Variants in WWOX observed in about 807,000 individuals in gnomAD.
WWOX encodes WW domain-containing oxidoreductase.
Under a neutral mutation model 46.2 loss-of-function variants are expected in WWOX, and 69 were observed. The observed-to-expected ratio is 1.49, with a 90% CI of 1.23 to 1.82. The LOEUF (loss-of-function observed/expected upper bound fraction) is 1.82, where lower values mean the gene tolerates loss of function less well. Ranked by LOEUF, WWOX falls within the 40% of genes most tolerant of loss-of-function variation. The probability of loss-of-function intolerance (pLI) is 0.00; values close to 1 mark genes in which losing one functional copy is unlikely to be tolerated. For missense variants in WWOX, 919 were observed against 542.6 expected (o/e 1.69, Z -6.89); for synonymous variants, 359 against 202.6 (o/e 1.77, Z -6.56).
chr16:78,818,220 A>G (rs2051393228), intron 8 of WWOX, among the ~76,000 whole-genome samples: 1 of 152,200 alleles, frequency 6.6e-6, no homozygotes, highest in African/African-American at 2.4e-5. Flanking sequence ...TAATGGCTGA[A>G]GGCTACAGGT....
intron 8 of WWOX, among the ~76,000 whole-genome samples, chr16:78,443,334 T>G (rs1001592199): frequency 2.6e-4 from 40 of 151,954 alleles, no homozygotes; most frequent in African/African-American, 8.9e-4. Context: ...CAAAACTATA[T>G]GTGCAAGCCT....
intron 8 of WWOX, among the ~76,000 whole-genome samples, chr16:78,862,292 G>A (rs1016879591): frequency 4.0e-5 from 6 of 150,016 alleles, no homozygotes; most frequent in African/African-American, 1.5e-4. Context: ...GTGTCTTTCT[G>A]TATCTATACA....
chr16:79,157,417 A>G (rs1299398374), intron 8 of WWOX, among the ~76,000 whole-genome samples: 4 of 147,160 alleles, frequency 2.7e-5, no homozygotes, highest in South Asian at 4.2e-4. Context: ...CATTTATACA[A>G]TGGCCAAAAA....
intron 5 of WWOX, among the ~76,000 whole-genome samples, chr16:78,195,217 C>T (rs1355738144): frequency 6.6e-6 from 1 of 152,170 alleles, no homozygotes; most frequent in Non-Finnish European, 1.5e-5. Context: ...ACAGCTTGAG[C>T]ACTATGACCT....
intron 5 of WWOX, among the ~76,000 whole-genome samples, chr16:78,358,478 T>G (rs1308564699): frequency 6.6e-6 from 1 of 152,078 alleles, no homozygotes; most frequent in Non-Finnish European, 1.5e-5. Context: ...GCCAACATGG[T>G]GAAACCCTGT....
intron 5 of WWOX, chr16:78,167,542 G>T (rs886705560): frequency 6.6e-6 from 1 of 152,164 alleles, no homozygotes; most frequent in Non-Finnish European, 1.5e-5. Flanking sequence ...ACTAATACAC[G>T]TGGCTCCAGA....
chr16:78,600,746 C>G (rs1402504395), intron 8 of WWOX, among the ~76,000 whole-genome samples: 2 of 152,196 alleles, frequency 1.3e-5, no homozygotes, highest in East Asian at 1.9e-4. Context: ...AGTCTGGACA[C>G]TGAGAGAATT....
intron 8 of WWOX, among the ~76,000 whole-genome samples, chr16:79,041,834 G>A (rs976577962): frequency 6.6e-6 from 1 of 152,020 alleles, no homozygotes; most frequent in Non-Finnish European, 1.5e-5. Context: ...ACCTAGAAGG[G>A]ATAATAACTT....
intron 6 of WWOX, among the ~76,000 whole-genome samples, chr16:78,408,940 G>A (rs957683058): frequency 6.6e-6 from 1 of 152,166 alleles, no homozygotes; most frequent in East Asian, 1.9e-4. Flanking sequence ...TTTAAAATAT[G>A]TTAATTTTTC....
intron 8 of WWOX, among the ~76,000 whole-genome samples, chr16:79,092,625 C>G (rs928377864): frequency 3.3e-5 from 5 of 152,140 alleles, no homozygotes; most frequent in Non-Finnish European, 5.9e-5. Flanking sequence ...TCTGGCGAAA[C>G]CCCTTTTTCC....
chr16:79,057,559 A>T (rs144402208), intron 8 of WWOX, among the ~76,000 whole-genome samples: 3 of 140,954 alleles, frequency 2.1e-5, no homozygotes, highest in African/African-American at 8.2e-5. Flanking sequence ...TAACTCTCTC[A>T]TTGCCTTCAG....
At chr16:78,600,298 T>C (rs1204539548) in intron 8 of WWOX, among the ~76,000 whole-genome samples, 2 of 151,988 alleles carry the variant, frequency 1.3e-5, no homozygotes, top group Non-Finnish European at 2.9e-5. Flanking sequence ...CAGGGTCACC[T>C]GTAGGTTACC....
chr16:78,748,134 A>G (rs1037857695), intron 8 of WWOX, among the ~76,000 whole-genome samples: 1 of 152,062 alleles, frequency 6.6e-6, no homozygotes, highest in African/African-American at 2.4e-5. Flanking sequence ...TCTATCTCGC[A>G]TTTATCCATT....
chr16:78,112,204 G>A (rs547823494), intron 3 of WWOX, among the ~76,000 whole-genome samples: 1 of 152,190 alleles, frequency 6.6e-6, no homozygotes, highest in African/African-American at 2.4e-5. Flanking sequence ...GAATCTGATT[G>A]CTACATCATT....
At chr16:78,604,956 CTTT>C in intron 8 of WWOX, among the ~76,000 whole-genome samples, 5 of 1,384 alleles carry the variant, frequency 3.6e-3, no homozygotes, top group Non-Finnish European at 6.5e-3. Flanking sequence ...TCTTTCCTTC[CTTT>C]CTTTCCTTCC....
chr16:78,738,067 G>T (rs1035499369), intron 8 of WWOX, among the ~76,000 whole-genome samples: 1 of 152,166 alleles, frequency 6.6e-6, no homozygotes, highest in East Asian at 1.9e-4. Flanking sequence ...CTCCTAAGTG[G>T]CAGCTGCCCA....
chr16:78,966,022 A>G (rs1362127760), intron 8 of WWOX, among the ~76,000 whole-genome samples: 1 of 152,198 alleles, frequency 6.6e-6, no homozygotes, highest in Non-Finnish European at 1.5e-5. Context: ...AGTTATCTCC[A>G]GGTGCTATCT....
At chr16:78,537,933 C>A (rs188711532) in intron 8 of WWOX, among the ~76,000 whole-genome samples, 13 of 152,092 alleles carry the variant, frequency 8.5e-5, no homozygotes, top group Non-Finnish European at 1.6e-4. Flanking sequence ...TTACAGCAGC[C>A]CCGGCCTATC....
chr16:78,227,686 G>A (rs2037110383), intron 5 of WWOX, among the ~76,000 whole-genome samples: 1 of 152,096 alleles, frequency 6.6e-6, no homozygotes, highest in South Asian at 2.1e-4. Context: ...AGACCAGCCT[G>A]GCTAACATGG....
Sources: gnomAD v4.1 joint callset for allele counts (sites outside exome capture counted in the v4.1 genomes callset) on GRCh38, gnomAD v4.1.1 for gene constraint, MANE v1.5 for transcripts, NCBI Gene and HGNC (gene_info 2026-07-23, HGNC 2026-07-21) for gene names.